The following UEVLD variants were observed in gnomAD, a reference collection of about 807,000 sequenced individuals.
The protein encoded by UEVLD is UEV and lactate/malate dehyrogenase domains.
A neutral mutation model predicts 58.6 loss-of-function variants in UEVLD; 47 were observed. That is an observed-to-expected ratio of 0.80 (90% confidence interval 0.63 to 1.02). The LOEUF is 1.02. UEVLD is among the 50% of genes least tolerant of loss of function. The probability of loss-of-function intolerance (pLI) is 0.00; values close to 1 mark genes in which losing one functional copy is unlikely to be tolerated. For missense variants in UEVLD, 510 were observed against 550.6 expected (o/e 0.93, Z 0.74); for synonymous variants, 197 against 195.3 (o/e 1.01, Z -0.07).
In UEVLD at chr11:18,571,966, A is replaced by G. The variant is rs146768294; in HGVS notation, c.194-1589T>C. 2.7e-4 allele frequency among the ~76,000 whole-genome samples: 41 copies of G among 152,244 alleles called. No individual in the cohort carries two copies. In the South Asian group the frequency reaches 4.6e-3, roughly 17 times the overall value. ...AAAGAAAAAGAACAGCCCAGGAGTG[A>G]TGGCTCACGTCTGTAATCCCAGCAC... On this transcript the variant is annotated intron_variant, in intron 3 of 11. Coordinates refer to ENST00000396197, the MANE Select transcript of UEVLD (RefSeq NM_001040697.4).
chr11:18,570,250 G>A lies in UEVLD; in HGVS notation c.321C>T (p.Gly107=), dbSNP rs1565134557. 1.2e-6 allele frequency: 2 copies of A among 1,606,606 alleles called. No individual in the cohort carries two copies. Among genetic ancestry groups the A allele is most frequent in the South Asian group, 1.1e-5 (1 of 89,550 alleles). The part of the protein sequence containing the change: ...ILVGKHVDAQ[G]RIYLPYLQNW... ...TTTGGAGATAGGGCAAATATATTCT[G>A]CCTTGAGCATCCACATGTTTTCCGA... The change falls in exon 4 of 12, where the codon GGC becomes GGT. Residue 107 remains glycine, a synonymous_variant. Transcript: ENST00000396197.
rs34170647 is a variant in UEVLD, at chr11:18,581,162, C to CA, written c.43-2355dup. ...GGGCAACAAGAGCTAGACTCAGTCTCAAAAAAAAAAAAAAAAAAGATATAG... is the reference window on the plus strand; with the variant it reads ...GGGCAACAAGAGCTAGACTCAGTCTCAAAAAAAAAAAAAAAAAAAGATATAG... On this transcript the variant is annotated intron_variant, in intron 1 of 11. Coordinates refer to ENST00000396197, the MANE Select transcript of UEVLD (RefSeq NM_001040697.4). Among the ~76,000 whole-genome samples, 458 of 82,672 alleles carry CA rather than the reference C, an allele frequency of 5.5e-3. 5 individuals carry two copies. Among genetic ancestry groups the CA allele is most frequent in the Admixed American group, 0.02 (158 of 8,100 alleles). The allele number at this position is 82,672 out of a possible 152,430, so 54.2% of individuals were successfully genotyped here.
chr11:18,578,874 CT>C (rs796532513), intron 1 of UEVLD, 66 bp from the exon 2 acceptor site: 12,308 of 983,010 alleles, frequency 0.013, no homozygotes, highest in South Asian at 0.016. Flanking sequence ...TTGCAGTTAA[CT>C]TTTTTTTTTT....
rs10500835 is a variant in UEVLD, at chr11:18,578,775, T to A, written c.76A>T (p.Arg26Trp). Residue 26 changes from arginine (R) to tryptophan (W), a missense_variant, in exon 2 of 12, where the codon AGG becomes TGG. Physicochemically the swap from Arg to Trp is moderately radical, Grantham distance 101 (BLOSUM62 -3). Transcript: ENST00000396197. ...TGTGGGAAAAATACATTTACATTCCTTAGTTCTTCCACAGTTAGGTCCCTG... is the reference window on the plus strand; with the variant it reads ...TGTGGGAAAAATACATTTACATTCCATAGTTCTTCCACAGTTAGGTCCCTG... ...KFRDLTVEEL[R>W]NVNVFFPHFK... The A allele has an allele frequency of 3.7e-6, 6 of 1,607,672 alleles. No homozygotes were observed. The highest frequency in any genetic ancestry group is 2.2e-5 in the East Asian group (1 of 44,764).
intron 6 of UEVLD, among the ~76,000 whole-genome samples, chr11:18,562,879 C>T (rs986175846): frequency 2.0e-5 from 3 of 151,744 alleles, no homozygotes; most frequent in Non-Finnish European, 4.4e-5. Flanking sequence ...AGACCTATCT[C>T]TACAAAAAAA....
chr11:18,556,863 C>T (rs1470747764), intron 7 of UEVLD, among the ~76,000 whole-genome samples: 1 of 151,874 alleles, frequency 6.6e-6, no homozygotes, highest in Non-Finnish European at 1.5e-5. Context: ...GAGGCTGAGG[C>T]GGGCAGATCA....
Position 18,569,810 on chromosome 11 carries a change from G to C in UEVLD, c.357+404C>G, listed in dbSNP as rs763497304. On this transcript the variant is annotated intron_variant, in intron 4 of 11. Coordinates refer to ENST00000396197, the MANE Select transcript of UEVLD (RefSeq NM_001040697.4). ...GGTTAAAACAAAGCATGTCACAAAA[G>C]ATTACATACAGTATGATTCAACTTA... The C allele has an allele frequency of 8.4e-4, 131 of 156,172 alleles. 1 individual carries two copies. Among genetic ancestry groups the C allele is most frequent in the Admixed American group, 1.3e-3 (20 of 15,992 alleles). 9.7% of individuals were successfully genotyped at this position (156,172 alleles called of 1,614,324 possible).
chr11:18,576,399 G>A (rs1379838149), intron 2 of UEVLD, among the ~76,000 whole-genome samples: 1 of 151,850 alleles, frequency 6.6e-6, no homozygotes, highest in Non-Finnish European at 1.5e-5. Context: ...TCAGCCGGGT[G>A]TGGTGGTTCC....
rs374766407 is a variant in UEVLD at position 18,570,273 on chromosome 11, C to T, written c.298G>A (p.Gly100Arg). The stretch of plus-strand genomic sequence containing the variant: ...CTGCCTTGAGCATCCACATGTTTTC[C>T]GACTAAGATTCCCATATTTGCAGTT... Reference protein sequence around the residue: ...KPTANMGILVGKHVDAQGRIY... With the variant: ...KPTANMGILVRKHVDAQGRIY... Residue 100 changes from glycine (G) to arginine (R), a missense_variant, in exon 4 of 12, where the codon GGA becomes AGA. Gly to Arg is a moderately radical substitution (Grantham distance 125). Coordinates refer to ENST00000396197, the MANE Select transcript of UEVLD (RefSeq NM_001040697.4). The T allele has an allele frequency of 4.0e-5, 64 of 1,603,986 alleles. No individual in the cohort carries two copies. The highest frequency in any genetic ancestry group is 2.4e-4 in the Admixed American group (14 of 57,932).
chr11:18,588,310 GAGAA>G (rs1229897544), intron 1 of UEVLD, among the ~76,000 whole-genome samples: 3 of 152,198 alleles, frequency 2.0e-5, no homozygotes, highest in Non-Finnish European at 2.9e-5. Flanking sequence ...TTTCAGCAGA[GAGAA>G]AGAGAGAAAG....
Position 18,532,031 on chromosome 11 carries a change from G to A in UEVLD, c.*289C>T, listed in dbSNP as rs1313699821. On this transcript the variant is annotated 3_prime_UTR_variant, in exon 12 of 12. Transcript: ENST00000396197. ...AAGTATGAATTGTGCTTTTAGTTTA[G>A]GATATATGATTTAAATTGATGCACA... is the stretch of plus-strand genomic sequence containing the variant. 1.5e-5 allele frequency: 3 copies of A among 201,912 alleles called. No homozygotes were observed. In the East Asian group the frequency reaches 3.4e-4, roughly 23 times the overall value. 12.5% of individuals were successfully genotyped at this position (201,912 alleles called of 1,614,324 possible).
At chr11:18,588,314 A>G (rs1308392953) in intron 1 of UEVLD, among the ~76,000 whole-genome samples, 3 of 152,164 alleles carry the variant, frequency 2.0e-5, no homozygotes, top group African/African-American at 7.2e-5. Context: ...AGCAGAGAGA[A>G]AGAGAGAAAG....
At chr11:18,542,890 CTTTTTT>C (rs890676886) in intron 9 of UEVLD, among the ~76,000 whole-genome samples, 11 of 125,902 alleles carry the variant, frequency 8.7e-5, no homozygotes, top group Non-Finnish European at 1.1e-4. Flanking sequence ...CTTTTCTTTT[CTTTTTT>C]TTTTTTTTTT....
rs1853068662 is a variant in UEVLD at position 18,578,735 on chromosome 11, A to G, written c.116T>C (p.Met39Thr). 3.1e-6 allele frequency: 5 copies of G among 1,604,856 alleles called. No homozygotes were observed. In the East Asian group the frequency reaches 1.1e-4, roughly 36 times the overall value. ...GATATGATTCTTACCATAGGTGTCC[A>G]TGGAATATTTGAAATGTGGGAAAAA... ...NVFFPHFKYS[M>T]DTYVFKDSSQ... Residue 39 changes from methionine (M) to threonine (T), a missense_variant, in exon 2 of 12, where the codon ATG (methionine) becomes ACG (threonine). Physicochemically the swap from Met to Thr is moderately conservative, Grantham distance 81 (BLOSUM62 -1). Transcript: ENST00000396197.
At chr11:18,560,842 C>G (rs1851997905) in intron 6 of UEVLD, among the ~76,000 whole-genome samples, 1 of 152,052 alleles carries the variant, frequency 6.6e-6, no homozygotes, top group Non-Finnish European at 1.5e-5. Context: ...GAAACCCTGT[C>G]TCTCCCAAAA....
In UEVLD at chr11:18,533,360, C is replaced by A. The variant is rs147313267; in HGVS notation, c.1249-873G>T. ...TGGTAACCAACACTCTACTCTCTAC[C>A]TCCATGAGATCAACTTTAAAAAAAA... On this transcript the variant is annotated intron_variant, in intron 11 of 11. Coordinates refer to ENST00000396197, the MANE Select transcript of UEVLD (RefSeq NM_001040697.4). Among the ~76,000 whole-genome samples, 591 of 151,052 alleles carry A rather than the reference C, an allele frequency of 3.9e-3. 4 individuals carry two copies. The highest frequency in any genetic ancestry group is 5.9e-3 in the Non-Finnish European group (399 of 67,870).
intron 9 of UEVLD, among the ~76,000 whole-genome samples, chr11:18,544,134 C>G (rs1372283072): frequency 6.6e-6 from 1 of 152,018 alleles, no homozygotes; most frequent in Non-Finnish European, 1.5e-5. Flanking sequence ...CTTAAACTTA[C>G]AGAAAAGTAA....
chr11:18,556,132 T>C (rs1432469101), intron 7 of UEVLD, among the ~76,000 whole-genome samples: 1 of 152,198 alleles, frequency 6.6e-6, no homozygotes, highest in Non-Finnish European at 1.5e-5. Context: ...CAATACCTAT[T>C]GATGGTTGAT....
chr11:18,584,100 T>G (rs1853412509), intron 1 of UEVLD, among the ~76,000 whole-genome samples: 1 of 152,180 alleles, frequency 6.6e-6, no homozygotes, highest in Non-Finnish European at 1.5e-5. Flanking sequence ...ACTTATTGGC[T>G]GGGCATGGTG....
Sources: gnomAD v4.1 joint callset for allele counts (sites outside exome capture counted in the v4.1 genomes callset) on GRCh38, gnomAD v4.1.1 for gene constraint, MANE v1.5 for transcripts, NCBI Gene and HGNC (gene_info 2026-07-23, HGNC 2026-07-21) for gene names.